TENT4B: variants seen among roughly 807,000 people sequenced by gnomAD.
TENT4B encodes terminal nucleotidyltransferase 4B.
A neutral mutation model predicts 75.0 loss-of-function variants in TENT4B; 10 were observed. The observed-to-expected ratio is 0.13, with a 90% CI of 0.08 to 0.23. The LOEUF (loss-of-function observed/expected upper bound fraction) is 0.23, where lower values mean the gene tolerates loss of function less well. TENT4B is among the 10% of genes least tolerant of loss of function. TENT4B has a pLI of 1.00. For missense variants in TENT4B, 579 were observed against 893.8 expected, an observed-to-expected ratio of 0.65 and a Z score of 4.49; for synonymous variants, 350 against 357.7, an observed-to-expected ratio of 0.98 and a Z score of 0.24.
chr16:50,203,887 G>T (rs2030800751), intron 1 of TENT4B, among the ~76,000 whole-genome samples: 1 of 152,228 alleles, frequency 6.6e-6, no homozygotes. Context: ...CTGTAAGCCT[G>T]ACTGCTCTGC....
At chr16:50,153,133 G>C (rs981894646), upstream of TENT4B, 10 of 895,022 alleles carry the variant, frequency 1.1e-5, no homozygotes, top group South Asian at 4.0e-5. Context: ...GGCCTCCCGG[G>C]CTGCTGCGCG....
chr16:50,195,995 T>C (rs1345669278), intron 1 of TENT4B, among the ~76,000 whole-genome samples: 1 of 152,214 alleles, frequency 6.6e-6, no homozygotes, highest in Non-Finnish European at 1.5e-5. Flanking sequence ...CAGGCCCTGC[T>C]TTGGAGCGGA....
At chr16:50,187,939 A>C (rs1235221503) in intron 1 of TENT4B, among the ~76,000 whole-genome samples, 1 of 151,970 alleles carries the variant, frequency 6.6e-6, no homozygotes, top group Admixed American at 6.6e-5. Context: ...TTCTTTCTTT[A>C]TTTTTTAAAA....
rs762925502 is a variant in TENT4B at position 50,153,769 on chromosome 16, GGCA to G, written c.167_169del (p.Ser56del). 1,154 of 1,112,882 alleles carry G rather than the reference GGCA, an allele frequency of 1.0e-3. 1 individual carries two copies. Among genetic ancestry groups the G allele is most frequent in the East Asian group, 3.5e-3 (65 of 18,646 alleles). The allele number at this position is 1,112,882 out of a possible 1,614,324, so 68.9% of individuals were successfully genotyped here. On this transcript the variant is annotated inframe_deletion, in exon 1 of 12. Coordinates refer to ENST00000561678, the MANE Select transcript of TENT4B (RefSeq NM_001365324.3). Reference sequence around the variant, plus strand: ...CAGCGGCGGCGCGAGCGGCGGCGGCGGCAGCAGCAGCAGCAGCAGCACGGCCAC... The same window carrying G: ...CAGCGGCGGCGCGAGCGGCGGCGGCGGCAGCAGCAGCAGCAGCACGGCCAC...
chr16:50,226,629 C>T (rs934335389), intron 10 of TENT4B, among the ~76,000 whole-genome samples: 7 of 151,612 alleles, frequency 4.6e-5, no homozygotes, highest in Non-Finnish European at 1.0e-4. Flanking sequence ...AGGGTTTCAC[C>T]GTGGTCTTGA....
intron 1 of TENT4B, among the ~76,000 whole-genome samples, chr16:50,201,077 G>A (rs2030618290): frequency 6.6e-6 from 1 of 151,974 alleles, no homozygotes; most frequent in African/African-American, 2.4e-5. Flanking sequence ...GCTGATTATA[G>A]GCCTGAGCCA....
intron 1 of TENT4B, among the ~76,000 whole-genome samples, chr16:50,191,599 A>T (rs1596695962): frequency 6.6e-6 from 1 of 151,838 alleles, no homozygotes; most frequent in African/African-American, 2.4e-5. Flanking sequence ...AACTAAACAC[A>T]TAGCAGCTAA....
chr16:50,197,993 C>T (rs1463955748), intron 1 of TENT4B, among the ~76,000 whole-genome samples: 1 of 152,064 alleles, frequency 6.6e-6, no homozygotes, highest in East Asian at 1.9e-4. Flanking sequence ...GATGCCTGCC[C>T]TCACCATGTT....
intron 5 of TENT4B, among the ~76,000 whole-genome samples, chr16:50,219,093 GGT>G (rs145308558): frequency 6.0e-5 from 9 of 151,080 alleles, no homozygotes; most frequent in East Asian, 3.9e-4. Flanking sequence ...CTATATTGGG[GGT>G]GTGTGTGTGT....
At position 50,230,901 on chromosome 16, in the gene TENT4B, G is replaced by C; in HGVS notation, c.*1573G>C. The C allele has an allele frequency of 8.1e-6, 8 of 984,696 alleles. No individual in the cohort carries two copies. The highest frequency in any genetic ancestry group is 9.7e-6 in the Non-Finnish European group (8 of 828,970). The allele number at this position is 984,696 out of a possible 1,614,324, so 61.0% of individuals were successfully genotyped here. ...GGCTCTGTTAAATGCAGCCATTTCT[G>C]AGACGAGATTCTTTTATATATATAT... On this transcript the variant is annotated 3_prime_UTR_variant, in exon 12 of 12. Coordinates refer to ENST00000561678, the MANE Select transcript of TENT4B (RefSeq NM_001365324.3).
rs545784872 is a variant in TENT4B, at chr16:50,233,520, G to A, written c.*4192G>A. 1.0e-6 allele frequency: 1 copy of A among 984,842 alleles called. No homozygotes were observed. The highest frequency in any genetic ancestry group is 1.1e-4 in the East Asian group (1 of 8,808). 61.0% of individuals were successfully genotyped at this position (984,842 alleles called of 1,614,324 possible). A position where few individuals can be genotyped will look rare whatever the true frequency, so the allele number is the denominator to read the frequency against. On this transcript the variant is annotated 3_prime_UTR_variant, in exon 12 of 12. Transcript: ENST00000561678. ...GACTTTTCTTTTTTTTTTGGTCAAA[G>A]ATAATGAGCTAAATATATATAGACG...
chr16:50,227,436 A>G (rs2032105729), intron 10 of TENT4B, among the ~76,000 whole-genome samples: 1 of 152,162 alleles, frequency 6.6e-6, no homozygotes, highest in Non-Finnish European at 1.5e-5. Context: ...GGTTAGAATG[A>G]TCACTGATTT....
At chr16:50,206,222 CGTTT>C (rs2030956555) in intron 1 of TENT4B, among the ~76,000 whole-genome samples, 1 of 152,006 alleles carries the variant, frequency 6.6e-6, no homozygotes, top group African/African-American at 2.4e-5. Context: ...TAAACATTAT[CGTTT>C]GTTAGTAGAA....
rs538161157 is a variant in TENT4B at position 50,214,414 on chromosome 16, G to A, written c.809+147G>A. ...CTCATGCCTGTAATCCTAGCACTTC[G>A]GGAGGCCAAGGAGGGTGGATCATTT... On this transcript the variant is annotated intron_variant, in intron 3 of 11. Coordinates refer to ENST00000561678, the MANE Select transcript of TENT4B (RefSeq NM_001365324.3). 507 of 618,942 alleles carry A rather than the reference G, an allele frequency of 8.2e-4. 1 individual carries two copies. The highest frequency in any genetic ancestry group is 3.3e-3 in the Admixed American group (98 of 30,036). 38.3% of individuals were successfully genotyped at this position (618,942 alleles called of 1,614,324 possible). A position where few individuals can be genotyped will look rare whatever the true frequency, so the allele number is the denominator to read the frequency against.
intron 1 of TENT4B, among the ~76,000 whole-genome samples, chr16:50,195,465 T>G (rs1035137480): frequency 1.3e-5 from 2 of 152,112 alleles, no homozygotes; most frequent in African/African-American, 4.8e-5. Flanking sequence ...GGGGAGGAAG[T>G]CAGAATTAAG....
Position 50,234,622 on chromosome 16 carries a change from CT to C in TENT4B, c.*5296del, listed in dbSNP as rs2032392143. ...CCTCTCTGATTTTTGCATATTGAAA[CT>C]TACAGAAGTCACTTTAAAAAAGTCT... is the stretch of plus-strand genomic sequence containing the variant. On this transcript the variant is annotated 3_prime_UTR_variant, in exon 12 of 12. Transcript: ENST00000561678. 1.1e-5 allele frequency: 11 copies of C among 984,948 alleles called. No homozygotes were observed. Among genetic ancestry groups the C allele is most frequent in the Non-Finnish European group, 1.3e-5 (11 of 829,650 alleles). The allele number at this position is 984,948 out of a possible 1,614,324, so 61.0% of individuals were successfully genotyped here.
At chr16:50,208,312 TATA>T (rs748398530) in intron 1 of TENT4B, among the ~76,000 whole-genome samples, 1 of 152,262 alleles carries the variant, frequency 6.6e-6, no homozygotes, top group Non-Finnish European at 1.5e-5. Context: ...CTTATAAATC[TATA>T]ATAATTCCCC....
At chr16:50,155,828 T>G in intron 1 of TENT4B, among the ~76,000 whole-genome samples, 1 of 152,194 alleles carries the variant, frequency 6.6e-6, no homozygotes, top group Non-Finnish European at 1.5e-5. Context: ...TAGTTTCATT[T>G]CACAGGAGTA....
chr16:50,219,221 A>G (rs1338513159), intron 5 of TENT4B, among the ~76,000 whole-genome samples: 2 of 152,240 alleles, frequency 1.3e-5, no homozygotes, highest in African/African-American at 2.4e-5. Context: ...CTTACACCAT[A>G]GATACTTAGA....
Sources: gnomAD v4.1 joint callset for allele counts (sites outside exome capture counted in the v4.1 genomes callset) on GRCh38, gnomAD v4.1.1 for gene constraint, MANE v1.5 for transcripts, NCBI Gene and HGNC (gene_info 2026-07-23, HGNC 2026-07-21) for gene names.